The following DSCAML1 variants were observed in gnomAD, a reference collection of about 807,000 sequenced individuals.
DSCAML1 encodes DS cell adhesion molecule like 1.
Under a neutral mutation model 200.5 loss-of-function variants are expected in DSCAML1, and 38 were observed. The observed-to-expected ratio is 0.19, with a 90% CI of 0.15 to 0.25. DSCAML1 has a LOEUF of 0.25. Ranked by LOEUF, DSCAML1 falls within the 10% of genes least tolerant of loss-of-function variation. The probability of loss-of-function intolerance (pLI) is 1.00; values close to 1 mark genes in which losing one functional copy is unlikely to be tolerated. For missense variants in DSCAML1, 2,223 were observed against 2,858.8 expected, an observed-to-expected ratio of 0.78 and a Z score of 5.07; for synonymous variants, 1,215 against 1,165.0, an observed-to-expected ratio of 1.04 and a Z score of -0.87.
At chr11:117,508,319 G>A (rs1378047294) in intron 8 of DSCAML1, among the ~76,000 whole-genome samples, 1 of 152,134 alleles carries the variant, frequency 6.6e-6, no homozygotes, top group African/African-American at 2.4e-5. Flanking sequence ...TCACATGGCT[G>A]TCGGGGTAAC....
At chr11:117,731,480 G>A (rs1374751547) in intron 3 of DSCAML1, among the ~76,000 whole-genome samples, 2 of 152,148 alleles carry the variant, frequency 1.3e-5, no homozygotes, top group Non-Finnish European at 1.5e-5. Flanking sequence ...ACATGCAGCT[G>A]CCACCTGCCA....
intron 1 of DSCAML1, among the ~76,000 whole-genome samples, chr11:117,793,774 G>A (rs1037470057): frequency 9.2e-5 from 14 of 152,122 alleles, no homozygotes; most frequent in African/African-American, 3.4e-4. Context: ...TGGGTCTACT[G>A]CTTACTTGTT....
Position 117,435,796 on chromosome 11 carries a change from G to A in DSCAML1, c.4724C>T (p.Thr1575Ile), listed in dbSNP as rs1317866355. The change falls in exon 27 of 33, where the codon ACC becomes ATC. Residue 1575 changes from threonine (T) to isoleucine (I), a missense_variant. By Grantham distance (89) the Thr-to-Ile change is moderately conservative. Around this residue, in one of 7 missense-constraint regions of DSCAML1, gnomAD observed 614 missense variants for 739.1 expected, o/e 0.83. Coordinates refer to ENST00000651296, the MANE Select transcript of DSCAML1 (RefSeq NM_020693.4). ...TTGAGCAGACTTGATGGGTGGAATG[G>A]TGCCTGAATGAGGGCAAAGAATAGA... ...QFATLDYDGS[T>I]IPPIKSAQGE... The A allele has an allele frequency of 6.2e-7, 1 of 1,603,662 alleles. No homozygotes were observed. Among genetic ancestry groups the A allele is most frequent in the South Asian group, 1.1e-5 (1 of 90,562 alleles).
At chr11:117,579,798 T>C (rs1462477825) in intron 3 of DSCAML1, among the ~76,000 whole-genome samples, 1 of 152,230 alleles carries the variant, frequency 6.6e-6, no homozygotes, top group Admixed American at 6.5e-5. Flanking sequence ...TTAATAAATA[T>C]TTATCAAATA....
intron 3 of DSCAML1, among the ~76,000 whole-genome samples, chr11:117,684,613 A>G (rs1462150438): frequency 6.6e-6 from 1 of 152,130 alleles, no homozygotes; most frequent in African/African-American, 2.4e-5. Context: ...AAAGACAGAT[A>G]TGGATGGAGG....
chr11:117,712,094 T>A (rs78951039), intron 3 of DSCAML1, among the ~76,000 whole-genome samples: 2,285 of 152,364 alleles, frequency 0.015, 55 homozygotes, highest in African/African-American at 0.052. Flanking sequence ...CGTACATTTT[T>A]AAATCTAACA....
intron 1 of DSCAML1, among the ~76,000 whole-genome samples, chr11:117,789,544 T>C (rs2055421224): frequency 6.6e-6 from 1 of 152,200 alleles, no homozygotes; most frequent in African/African-American, 2.4e-5. Context: ...TCCAGTGTTC[T>C]CTCAGTTCTG....
intron 3 of DSCAML1, among the ~76,000 whole-genome samples, chr11:117,615,523 C>T (rs914012050): frequency 2.0e-5 from 3 of 151,988 alleles, no homozygotes; most frequent in African/African-American, 4.8e-5. Flanking sequence ...CTGACCCTAG[C>T]CTCTTAGCCT....
chr11:117,459,318 G>A (rs1354933520), intron 18 of DSCAML1, among the ~76,000 whole-genome samples: 1 of 152,250 alleles, frequency 6.6e-6, no homozygotes, highest in Non-Finnish European at 1.5e-5. Flanking sequence ...GCACAGCTCA[G>A]CAGCCACTCT....
chr11:117,508,637 C>G (rs1348696222), intron 8 of DSCAML1, among the ~76,000 whole-genome samples: 1 of 152,066 alleles, frequency 6.6e-6, no homozygotes, highest in Non-Finnish European at 1.5e-5. Context: ...GCTGTCACAG[C>G]ACCGAACAAG....
chr11:117,815,274 C>T (rs1011874902), intron 1 of DSCAML1, among the ~76,000 whole-genome samples: 8 of 152,212 alleles, frequency 5.3e-5, no homozygotes, highest in Non-Finnish European at 1.0e-4. Flanking sequence ...AGCTCCTTGA[C>T]GTGTGAGCTG....
intron 1 of DSCAML1, among the ~76,000 whole-genome samples, chr11:117,787,681 C>T (rs1375051717): frequency 1.3e-5 from 2 of 152,174 alleles, no homozygotes; most frequent in Admixed American, 1.3e-4. Flanking sequence ...CAAGACCCTA[C>T]CACCACATTA....
intron 11 of DSCAML1, among the ~76,000 whole-genome samples, chr11:117,492,768 G>T (rs2049211770): frequency 6.6e-6 from 1 of 152,212 alleles, no homozygotes. Flanking sequence ...GACGGCAGCG[G>T]CATCTCCAGG....
At chr11:117,485,407 T>A (rs943186872) in intron 11 of DSCAML1, among the ~76,000 whole-genome samples, 2 of 152,170 alleles carry the variant, frequency 1.3e-5, no homozygotes, top group Admixed American at 6.5e-5. Flanking sequence ...CCACAACTCT[T>A]ACAGTCCCCT....
At chr11:117,734,819 G>A (rs1010133599) in intron 3 of DSCAML1, among the ~76,000 whole-genome samples, 4 of 152,202 alleles carry the variant, frequency 2.6e-5, no homozygotes, top group Admixed American at 2.6e-4. Flanking sequence ...AGGTGGTTTA[G>A]GAGGACTGAG....
chr11:117,630,846 C>G (rs1169383569), intron 3 of DSCAML1, among the ~76,000 whole-genome samples: 1 of 151,920 alleles, frequency 6.6e-6, no homozygotes, highest in Non-Finnish European at 1.5e-5. Flanking sequence ...GGGTTCAAAG[C>G]CCGGCTCCGA....
chr11:117,671,113 G>T (rs1429029694), intron 3 of DSCAML1, among the ~76,000 whole-genome samples: 2 of 152,220 alleles, frequency 1.3e-5, no homozygotes, highest in Non-Finnish European at 2.9e-5. Context: ...CCAGTCCACA[G>T]CTCCCCGAGA....
intron 3 of DSCAML1, among the ~76,000 whole-genome samples, chr11:117,740,040 C>A (rs545127032): frequency 2.2e-4 from 33 of 152,206 alleles, no homozygotes; most frequent in Admixed American, 1.0e-3. Flanking sequence ...GGTAGAGATT[C>A]CCAAAAGGGA....
At chr11:117,700,201 C>T (rs1467678189) in intron 3 of DSCAML1, among the ~76,000 whole-genome samples, 1 of 152,214 alleles carries the variant, frequency 6.6e-6, no homozygotes, top group Non-Finnish European at 1.5e-5. Context: ...GTTTATTCAT[C>T]ATAACAGTGC....
Sources: gnomAD v4.1 joint callset for allele counts (sites outside exome capture counted in the v4.1 genomes callset) on GRCh38, gnomAD v4.1.1 for gene constraint, gnomAD v4.1.1 regional missense constraint, MANE v1.5 for transcripts, NCBI Gene and HGNC (gene_info 2026-07-23, HGNC 2026-07-21) for gene names.